PDZD2: variants seen among roughly 807,000 people sequenced by gnomAD.
PDZD2 encodes PDZ domain-containing protein 2.
In PDZD2, 90 loss-of-function variants were observed where a neutral mutation model predicts 220.7. The ratio of observed to expected loss-of-function variants is 0.41; its 90% CI spans 0.34 to 0.49. PDZD2 has a LOEUF of 0.49. Among genes scored for constraint, PDZD2 ranks in the 20% least tolerant of loss-of-function variants. The pLI, the probability that PDZD2 is intolerant of heterozygous loss-of-function variation, is 0.28. For synonymous variants in PDZD2, 1,375 were observed against 1,450.5 expected (o/e 0.95, Z 1.18); for missense variants, 3,174 against 3,608.5 (o/e 0.88, Z 3.08).
intron 5 of PDZD2, 139 bp from the exon 6 acceptor site, chr5:32,010,189 GGT>G (rs1018804606): frequency 2.5e-4 from 151 of 605,636 alleles, no homozygotes; most frequent in Non-Finnish European, 3.8e-4. Flanking sequence ...TGGCCTTTGA[GGT>G]AACCTTGCAG....
chr5:32,107,534 G>A (rs2111760233), intron 24 of PDZD2: 2 of 153,358 alleles, frequency 1.3e-5, no homozygotes, highest in South Asian at 4.1e-4. Context: ...CTCCAGCCTG[G>A]GTGACAGTGT....
chr5:31,972,677 C>A (rs1749411319), intron 2 of PDZD2, among the ~76,000 whole-genome samples: 1 of 152,166 alleles, frequency 6.6e-6, no homozygotes, highest in African/African-American at 2.4e-5. Flanking sequence ...AAAATAGCAT[C>A]ATGTCAAGAG....
chr5:32,034,389 C>T (rs1188538822), intron 6 of PDZD2, among the ~76,000 whole-genome samples: 1 of 145,868 alleles, frequency 6.9e-6, no homozygotes, highest in African/African-American at 2.6e-5. Context: ...CACAGAGTCT[C>T]GCTCTGTCAC....
intron 1 of PDZD2, among the ~76,000 whole-genome samples, chr5:31,762,132 C>T (rs920203062): frequency 1.3e-5 from 2 of 152,214 alleles, no homozygotes; most frequent in Non-Finnish European, 2.9e-5. Flanking sequence ...GGTCTAATCC[C>T]CTCCTACCAG....
At chr5:31,974,130 G>A (rs901837016) in intron 2 of PDZD2, among the ~76,000 whole-genome samples, 6 of 152,064 alleles carry the variant, frequency 3.9e-5, no homozygotes, top group African/African-American at 9.7e-5. Flanking sequence ...ACAGGCACCC[G>A]CTACCACGCC....
At chr5:31,973,101 T>G (rs7721251) in intron 2 of PDZD2, among the ~76,000 whole-genome samples, 1 of 152,094 alleles carries the variant, frequency 6.6e-6, no homozygotes, top group African/African-American at 2.4e-5. Flanking sequence ...TTCCAACAGG[T>G]GTATGGGTGC....
Position 32,087,109 on chromosome 5 carries a change from T to G in PDZD2, c.3683-22T>G, listed in dbSNP as rs757041867. 4.2e-6 allele frequency: 6 copies of G among 1,440,078 alleles called. No homozygotes were observed. The highest frequency in any genetic ancestry group is 5.8e-6 in the Non-Finnish European group (6 of 1,028,868). The allele number at this position is 1,440,078 out of a possible 1,614,324, so 89.2% of individuals were successfully genotyped here. ...TACAACCTCTCCTGTGTATGTACCT[T>G]CTGTTTACGTTCCCCACGTAGAACT... On this transcript the variant is annotated intron_variant, in intron 19 of 24. Coordinates refer to ENST00000438447, the MANE Select transcript of PDZD2 (RefSeq NM_178140.4). The surrounding 1 kb of genome is among the most constrained non-coding windows in gnomAD (Gnocchi z 4.0).
At chr5:31,840,442 A>ATG (rs1241268202) in intron 2 of PDZD2, 1 of 59,254 alleles carries the variant, frequency 1.7e-5, no homozygotes, top group Non-Finnish European at 3.3e-5. Context: ...ATATATATAT[A>ATG]TATATATTTG....
At chr5:31,896,232 C>T (rs1026665316) in intron 2 of PDZD2, among the ~76,000 whole-genome samples, 23 of 151,906 alleles carry the variant, frequency 1.5e-4, no homozygotes, top group African/African-American at 5.1e-4. Context: ...CTTGAGAGTC[C>T]ATGTCAGCTG....
Position 32,058,547 on chromosome 5 carries a change from G to A in PDZD2, c.2200+444G>A, listed in dbSNP as rs936569091. Among the ~76,000 whole-genome samples the A allele has an allele frequency of 5.9e-5, 9 of 151,510 alleles. No individual in the cohort carries two copies. In the South Asian group the frequency reaches 6.3e-4, roughly 11 times the overall value. The stretch of plus-strand genomic sequence containing the variant: ...AAATTAGCTGGGCGTGGTGGCAAGC[G>A]CCTGTAATCCCAGCTACTCGGGAGG... On this transcript the variant is annotated intron_variant, in intron 12 of 24. Coordinates refer to ENST00000438447, the MANE Select transcript of PDZD2 (RefSeq NM_178140.4).
intron 3 of PDZD2, among the ~76,000 whole-genome samples, chr5:31,993,671 G>T (rs1323142106): frequency 6.6e-6 from 1 of 152,054 alleles, no homozygotes; most frequent in African/African-American, 2.4e-5. Context: ...AAAGCAGATG[G>T]CTTTTGTTTC....
chr5:31,666,743 G>A (rs546576695), intron 1 of PDZD2, among the ~76,000 whole-genome samples: 2 of 152,336 alleles, frequency 1.3e-5, no homozygotes, highest in African/African-American at 4.8e-5. Flanking sequence ...ATTTCACTGT[G>A]AGCGTAATGA....
chr5:32,092,840 G>C lies in PDZD2; in HGVS notation c.7728-67G>C, dbSNP rs571845818. 2.0e-4 allele frequency: 146 copies of C among 746,040 alleles called. No individual in the cohort carries two copies. The African/African-American group carries it at 2.5e-3, about 13-fold the overall frequency. The allele number at this position is 746,040 out of a possible 1,614,324, so 46.2% of individuals were successfully genotyped here. ...TAGTAGAAAGGAGATCATTTTAAAT[G>C]CATTCTTATAAAATGAAGAAATTGC... On this transcript the variant is annotated intron_variant, in intron 20 of 24. Coordinates refer to ENST00000438447, the MANE Select transcript of PDZD2 (RefSeq NM_178140.4).
intron 1 of PDZD2, among the ~76,000 whole-genome samples, chr5:31,718,140 G>A (rs1002771206): frequency 3.9e-5 from 6 of 152,208 alleles, no homozygotes; most frequent in Non-Finnish European, 5.9e-5. Context: ...AAGGTAAGAC[G>A]CTAAGGAGGG....
intron 1 of PDZD2, among the ~76,000 whole-genome samples, chr5:31,693,776 G>A (rs371169268): frequency 2.2e-4 from 33 of 152,252 alleles, no homozygotes; most frequent in African/African-American, 7.2e-4. Context: ...TGAAGGGACC[G>A]TCAGTCTCTA....
intron 1 of PDZD2, among the ~76,000 whole-genome samples, chr5:31,670,477 C>A (rs1405784258): frequency 6.6e-6 from 1 of 152,060 alleles, no homozygotes. Context: ...AGTGCAGTGG[C>A]GCGATCTCAG....
chr5:31,688,610 T>C (rs2150126698), intron 1 of PDZD2, among the ~76,000 whole-genome samples: 1 of 152,308 alleles, frequency 6.6e-6, no homozygotes, highest in Non-Finnish European at 1.5e-5. Context: ...CGTGAGCACA[T>C]GTGCACACAC....
At chr5:31,953,930 T>C (rs889194125) in intron 2 of PDZD2, among the ~76,000 whole-genome samples, 4 of 152,076 alleles carry the variant, frequency 2.6e-5, no homozygotes, top group Admixed American at 6.5e-5. Flanking sequence ...ATTACAGGTG[T>C]GAGCCATCGC....
chr5:31,665,941 A>G (rs1000692752), intron 1 of PDZD2, among the ~76,000 whole-genome samples: 3 of 152,192 alleles, frequency 2.0e-5, no homozygotes, highest in Non-Finnish European at 4.4e-5. Flanking sequence ...GGAAGTGAGG[A>G]CGGGACCTCA....
Sources: gnomAD v4.1 joint callset for allele counts (sites outside exome capture counted in the v4.1 genomes callset) on GRCh38, gnomAD v4.1.1 for gene constraint, Gnocchi (gnomAD v3.1) non-coding constraint, MANE v1.5 for transcripts, NCBI Gene and HGNC (gene_info 2026-07-23, HGNC 2026-07-21) for gene names.